The following SYTL3 variants were observed in gnomAD, a reference collection of about 807,000 sequenced individuals.
SYTL3 encodes synaptotagmin-like protein 3.
In SYTL3, 88 loss-of-function variants were observed where a neutral mutation model predicts 82.1. That is an observed-to-expected ratio of 1.07 (90% CI 0.90 to 1.28). The LOEUF is 1.28. SYTL3 is among the 50% of genes most tolerant of loss of function. SYTL3 has a pLI of 0.00. For synonymous variants in SYTL3, 311 were observed against 289.4 expected (o/e 1.07, Z -0.76); for missense variants, 831 against 757.6 (o/e 1.10, Z -1.14).
At chr6:158,740,232 A>T (rs546129000) in intron 11 of SYTL3, among the ~76,000 whole-genome samples, 1 of 151,886 alleles carries the variant, frequency 6.6e-6, no homozygotes, top group Non-Finnish European at 1.5e-5. Context: ...CTGACCTCAG[A>T]TGATCTGCCT....
chr6:158,654,501 C>T (rs1042699803), intron 2 of SYTL3, among the ~76,000 whole-genome samples: 2 of 152,150 alleles, frequency 1.3e-5, no homozygotes, highest in African/African-American at 2.4e-5. Context: ...CATGGCTGCC[C>T]GCGTCCCTCC....
chr6:158,651,094 A>G (rs1787954404), intron 1 of SYTL3, among the ~76,000 whole-genome samples: 1 of 152,198 alleles, frequency 6.6e-6, no homozygotes, highest in African/African-American at 2.4e-5. Context: ...GAGTTTAGGT[A>G]AGTTACTTAA....
chr6:158,688,858 C>CA (rs1289858838), intron 6 of SYTL3, among the ~76,000 whole-genome samples: 1 of 151,894 alleles, frequency 6.6e-6, no homozygotes, highest in Non-Finnish European at 1.5e-5. Flanking sequence ...TATTTTTAGG[C>CA]AAAAAATTAT....
intron 12 of SYTL3, among the ~76,000 whole-genome samples, chr6:158,751,623 T>C (rs1479854297): frequency 6.6e-6 from 1 of 152,198 alleles, no homozygotes; most frequent in Non-Finnish European, 1.5e-5. Flanking sequence ...AGAGAATCTC[T>C]AGTTCCATGG....
At chr6:158,657,154 G>A (rs1180960724) in intron 2 of SYTL3, among the ~76,000 whole-genome samples, 3 of 152,198 alleles carry the variant, frequency 2.0e-5, no homozygotes, top group East Asian at 1.9e-4. Flanking sequence ...GGCCGGGCAC[G>A]GTGACTCATG....
chr6:158,702,937 A>C (rs183369059), intron 6 of SYTL3, among the ~76,000 whole-genome samples: 69 of 152,036 alleles, frequency 4.5e-4, no homozygotes, highest in Admixed American at 1.8e-3. Context: ...GACGAATCAC[A>C]AGGTCAGGAG....
At chr6:158,728,801 G>A (rs560718362) in intron 11 of SYTL3, among the ~76,000 whole-genome samples, 10 of 152,198 alleles carry the variant, frequency 6.6e-5, no homozygotes, top group Non-Finnish European at 1.3e-4. Flanking sequence ...TTAGCCGGGC[G>A]CGGTGGCGCC....
At chr6:158,667,045 T>C (rs1470436732) in intron 5 of SYTL3, among the ~76,000 whole-genome samples, 5 of 152,210 alleles carry the variant, frequency 3.3e-5, no homozygotes, top group African/African-American at 9.6e-5. Flanking sequence ...TTCCAAATCA[T>C]CTCTAGAAAG....
intron 6 of SYTL3, among the ~76,000 whole-genome samples, chr6:158,696,581 T>C (rs888666124): frequency 2.6e-5 from 4 of 152,194 alleles, no homozygotes; most frequent in African/African-American, 9.7e-5. Context: ...TATCTTGTTG[T>C]GGCTTTGATT....
intron 6 of SYTL3, among the ~76,000 whole-genome samples, chr6:158,706,907 C>G (rs1230006151): frequency 6.6e-6 from 1 of 152,166 alleles, no homozygotes; most frequent in Non-Finnish European, 1.5e-5. Flanking sequence ...CCAATATCAA[C>G]TTTTAATAAA....
chr6:158,763,426 A>G lies in SYTL3; in HGVS notation c.1640A>G (p.Gln547Arg), dbSNP rs909368079. The G allele has an allele frequency of 1.9e-6, 3 of 1,614,086 alleles. No individual in the cohort carries two copies. The highest frequency in any genetic ancestry group is 1.1e-5 in the South Asian group (1 of 91,082). The change falls in exon 17 of 18, where the codon CAG becomes CGG. Residue 547 changes from glutamine to arginine, a missense_variant. Physicochemically the swap from Gln to Arg is conservative, Grantham distance 43 (BLOSUM62 1). Coordinates refer to ENST00000611299, the MANE Select transcript of SYTL3 (RefSeq NM_001242394.2). Reference sequence around the variant, plus strand: ...GGCGTAACCCCAGCTCAGCTGAGGCAGTCAAGCTTGGAGTTAACTGTCTGG... The same window carrying G: ...GGCGTAACCCCAGCTCAGCTGAGGCGGTCAAGCTTGGAGTTAACTGTCTGG... The part of the protein sequence containing the change: ...FSGVTPAQLR[Q>R]SSLELTVWDQ...
At chr6:158,663,474 T>C (rs1789612384) in intron 4 of SYTL3, 96 bp downstream of exon 4, 1 of 1,527,112 alleles carries the variant, frequency 6.5e-7, no homozygotes, top group African/African-American at 1.4e-5. Flanking sequence ...TACAAATCAC[T>C]ACCCACCTGC....
At position 158,682,975 on chromosome 6, in the gene SYTL3, A is replaced by C; in HGVS notation, c.380A>C (p.Lys127Thr). 1 of 1,612,358 alleles carries C rather than the reference A, an allele frequency of 6.2e-7. No homozygotes were observed. Among genetic ancestry groups the C allele is most frequent in the Non-Finnish European group, 8.5e-7 (1 of 1,178,434 alleles). Residue 127 changes from lysine to threonine, a missense_variant, in exon 6 of 18, where the codon AAA becomes ACA. By Grantham distance (78) the Lys-to-Thr change is moderately conservative. Coordinates refer to ENST00000611299, the MANE Select transcript of SYTL3 (RefSeq NM_001242394.2). ...TGGTTCTATGAGGAACGAGCCAAGA[A>C]ATTTCCAACTGGAGGTAAATGCTCT... is the stretch of plus-strand genomic sequence containing the variant. ...GEWFYEERAKKFPTGGKHETV... is the reference protein window; with the variant it reads ...GEWFYEERAKTFPTGGKHETV...
chr6:158,651,554 C>T (rs918195528), intron 1 of SYTL3, among the ~76,000 whole-genome samples, 199 bp from the exon 2 acceptor site: 1 of 152,018 alleles, frequency 6.6e-6, no homozygotes, highest in Non-Finnish European at 1.5e-5. Flanking sequence ...CGCCACTGCA[C>T]TCCAGCCTGG....
At chr6:158,727,467 G>A (rs909221952) in intron 11 of SYTL3, among the ~76,000 whole-genome samples, 5 of 151,632 alleles carry the variant, frequency 3.3e-5, no homozygotes, top group Admixed American at 6.6e-5. Flanking sequence ...CACCGCACCC[G>A]GCCTAGAACT....
At chr6:158,679,862 G>A (rs1778457995) in intron 5 of SYTL3, among the ~76,000 whole-genome samples, 1 of 152,092 alleles carries the variant, frequency 6.6e-6, no homozygotes, top group African/African-American at 2.4e-5. Flanking sequence ...TTCATTTTCT[G>A]TGATTGTATG....
chr6:158,699,384 G>C (rs1780910972), intron 6 of SYTL3, among the ~76,000 whole-genome samples: 1 of 152,238 alleles, frequency 6.6e-6, no homozygotes, highest in Non-Finnish European at 1.5e-5. Context: ...CCCAGTTTGA[G>C]ATGGTCATCC....
At position 158,718,079 on chromosome 6, in the gene SYTL3, C is replaced by A; in HGVS notation, c.596-8C>A. 1 of 1,517,934 alleles carries A rather than the reference C, an allele frequency of 6.6e-7. No individual in the cohort carries two copies. The highest frequency in any genetic ancestry group is 1.3e-5 in the South Asian group (1 of 78,742). The allele number at this position is 1,517,934 out of a possible 1,614,324, so 94.0% of individuals were successfully genotyped here. A position where few individuals can be genotyped will look rare whatever the true frequency, so the allele number is the denominator to read the frequency against. ...TCCCACCCATCAACCCTTGTGTTTG[C>A]CTTTTAGAGCTCTCCAAATCCCAGA... is the stretch of plus-strand genomic sequence containing the variant. On this transcript the variant is annotated splice_polypyrimidine_tract_variant and splice_region_variant and intron_variant, in intron 9 of 17. Transcript: ENST00000611299.
intron 12 of SYTL3, among the ~76,000 whole-genome samples, chr6:158,748,405 C>T (rs773874839): frequency 5.9e-5 from 9 of 152,142 alleles, no homozygotes; most frequent in Non-Finnish European, 1.3e-4. Context: ...CTTCCTGTAC[C>T]GTCTACCTCA....
Sources: allele counts gnomAD v4.1 joint callset (sites outside exome capture counted in the v4.1 genomes callset), GRCh38; gene constraint gnomAD v4.1.1; transcripts MANE v1.5; gene names NCBI Gene and HGNC (gene_info 2026-07-23, HGNC 2026-07-21).